SMAD3: variants seen among roughly 807,000 people sequenced by gnomAD.
The protein encoded by SMAD3 is SMAD family member 3.
SMAD3 carries 12 observed loss-of-function variants against 51.8 expected under a neutral mutation model. The ratio of observed to expected loss-of-function variants is 0.23; its 90% CI spans 0.15 to 0.38. The LOEUF (loss-of-function observed/expected upper bound fraction) is 0.38. SMAD3 is among the 10% of genes least tolerant of loss of function. The pLI, the probability that SMAD3 is intolerant of heterozygous loss-of-function variation, is 1.00. For synonymous variants in SMAD3, 238 were observed against 227.7 expected, an observed-to-expected ratio of 1.05 and a Z score of -0.41; for missense variants, 294 against 565.6, an observed-to-expected ratio of 0.52 and a Z score of 4.87.
chr15:67,158,562 C>T (rs550218121), intron 1 of SMAD3, among the ~76,000 whole-genome samples: 1 of 152,338 alleles, frequency 6.6e-6, no homozygotes, highest in South Asian at 2.1e-4. Context: ...GCTATCAGAA[C>T]CCAGCCTGAC....
intron 1 of SMAD3, among the ~76,000 whole-genome samples, chr15:67,123,884 T>C (rs977440019): frequency 3.3e-5 from 5 of 152,220 alleles, no homozygotes; most frequent in Middle Eastern, 3.2e-3. Flanking sequence ...GGGAAAATAG[T>C]GTGTCCTGCT....
intron 1 of SMAD3, among the ~76,000 whole-genome samples, chr15:67,084,342 A>G (rs1417819741): frequency 6.6e-6 from 1 of 151,350 alleles, no homozygotes; most frequent in Non-Finnish European, 1.5e-5. Context: ...CGGCCTCCCA[A>G]AGTGCTGGGA....
At chr15:67,079,595 T>C (rs762827010) in intron 1 of SMAD3, among the ~76,000 whole-genome samples, 2 of 152,182 alleles carry the variant, frequency 1.3e-5, no homozygotes, top group Non-Finnish European at 2.9e-5. Flanking sequence ...TGGTACGTGT[T>C]GCATGGACTG....
intron 6 of SMAD3, among the ~76,000 whole-genome samples, chr15:67,183,031 A>ATTTTTTTTTTTTTTTTT (rs57749736): frequency 3.4e-5 from 1 of 29,702 alleles, no homozygotes; most frequent in African/African-American, 1.7e-4. Flanking sequence ...ATATATATAT[A>ATTTTTTTTTTTTTTTTT]TTTTTTTTTT....
At position 67,083,678 on chromosome 15, in the gene SMAD3, C is replaced by T. The variant is rs1236317445; in HGVS notation, c.206+17318C>T. On this transcript the variant is annotated intron_variant, in intron 1 of 8. Coordinates refer to ENST00000327367, the MANE Select transcript of SMAD3 (RefSeq NM_005902.4). ...GGATATCTTCCAGATCTGCAGTTCT[C>T]CAGAGCTAGGGACCCCTCAGCTCCA... Among the ~76,000 whole-genome samples, 3 of 152,274 alleles carry T rather than the reference C, an allele frequency of 2.0e-5. No individual in the cohort carries two copies. The East Asian group carries it at 5.8e-4, about 29-fold the overall frequency.
intron 1 of SMAD3, among the ~76,000 whole-genome samples, chr15:67,134,532 T>C (rs1351246123): frequency 6.6e-6 from 1 of 151,754 alleles, no homozygotes; most frequent in Non-Finnish European, 1.5e-5. Flanking sequence ...TTCAGTGTTG[T>C]CTTACGCTCG....
At chr15:67,103,938 C>G (rs1276973002) in intron 1 of SMAD3, among the ~76,000 whole-genome samples, 1 of 152,134 alleles carries the variant, frequency 6.6e-6, no homozygotes, top group Non-Finnish European at 1.5e-5. Flanking sequence ...TTCACCTTTT[C>G]CAGAGGTGTT....
At chr15:67,098,347 GGA>G (rs10665292) in intron 1 of SMAD3, among the ~76,000 whole-genome samples, 14 of 142,570 alleles carry the variant, frequency 9.8e-5, no homozygotes, top group African/African-American at 1.9e-4. Context: ...AGGGAGGGAG[GGA>G]GAGAGCGAGC....
intron 1 of SMAD3, among the ~76,000 whole-genome samples, chr15:67,109,144 G>A (rs1384597848): frequency 1.3e-5 from 2 of 152,224 alleles, no homozygotes. Context: ...GGATGAATAT[G>A]CATTTGGGTA....
intron 1 of SMAD3, among the ~76,000 whole-genome samples, chr15:67,116,715 A>C (rs946383788): frequency 6.6e-6 from 1 of 152,202 alleles, no homozygotes; most frequent in African/African-American, 2.4e-5. Flanking sequence ...GGAGAGTCTT[A>C]GGTGGAAGCA....
chr15:67,077,521 A>G (rs570115679), intron 1 of SMAD3, among the ~76,000 whole-genome samples: 1 of 152,162 alleles, frequency 6.6e-6, no homozygotes, highest in African/African-American at 2.4e-5. Flanking sequence ...AGATATAGAG[A>G]TGAAGTTGTG....
At chr15:67,182,147 CATT>C (rs1328954455) in intron 6 of SMAD3, among the ~76,000 whole-genome samples, 8 of 152,176 alleles carry the variant, frequency 5.3e-5, no homozygotes, top group Admixed American at 1.3e-4. Context: ...AGTAGGCAGT[CATT>C]GTTGGAAGAG....
chr15:67,078,986 T>A (rs184147215), intron 1 of SMAD3, among the ~76,000 whole-genome samples: 170 of 152,098 alleles, frequency 1.1e-3, no homozygotes, highest in Middle Eastern at 3.4e-3. Context: ...TATTATTATT[T>A]TTTTTTTTTG....
chr15:67,165,520 G>A, intron 3 of SMAD3, 136 bp downstream of exon 3: 1 of 1,063,956 alleles, frequency 9.4e-7, no homozygotes, highest in Non-Finnish European at 1.4e-6. Context: ...CTGGCCTGAG[G>A]GCCCCTGACT....
At chr15:67,125,834 G>A in intron 1 of SMAD3, 1 of 985,454 alleles carries the variant, frequency 1.0e-6, no homozygotes, top group South Asian at 4.7e-5. Context: ...CAACATGTGG[G>A]CAAGAGCCGC....
intron 1 of SMAD3, chr15:67,098,645 G>C (rs958044722): frequency 1.1e-5 from 6 of 537,334 alleles, no homozygotes; most frequent in Non-Finnish European, 2.0e-5. Context: ...GGGTGGGGCC[G>C]CGTTTTTCTC....
intron 4 of SMAD3, 115 bp from the exon 5 acceptor site, chr15:67,170,439 A>C (rs1304688781): frequency 4.7e-6 from 4 of 858,734 alleles, no homozygotes; most frequent in African/African-American, 1.7e-5. Context: ...CCCTCAGTCC[A>C]GGGTTTTCTT....
chr15:67,190,568 T>G lies in SMAD3; in HGVS notation c.*32T>G. Reference sequence around the variant, plus strand: ...CAAGTATGGTAGGGGAGGGCAGGCTTGGGGAAAATGGCCATGCAGGAGGTG... The same window carrying G: ...CAAGTATGGTAGGGGAGGGCAGGCTGGGGGAAAATGGCCATGCAGGAGGTG... On this transcript the variant is annotated 3_prime_UTR_variant, in exon 9 of 9. Coordinates refer to ENST00000327367, the MANE Select transcript of SMAD3 (RefSeq NM_005902.4). The G allele has an allele frequency of 6.2e-7, 1 of 1,611,396 alleles. No individual in the cohort carries two copies. Among genetic ancestry groups the G allele is most frequent in the Non-Finnish European group, 8.5e-7 (1 of 1,178,004 alleles).
intron 1 of SMAD3, among the ~76,000 whole-genome samples, chr15:67,132,324 A>G (rs906984339): frequency 7.2e-5 from 11 of 152,116 alleles, no homozygotes; most frequent in African/African-American, 1.9e-4. Flanking sequence ...GAGAAGGACA[A>G]CCTCACTGTT....
Sources: allele counts gnomAD v4.1 joint callset (sites outside exome capture counted in the v4.1 genomes callset), GRCh38; gene constraint gnomAD v4.1.1; transcripts MANE v1.5; gene names NCBI Gene and HGNC (gene_info 2026-07-23, HGNC 2026-07-21).